Variants in VEZT observed in about 807,000 individuals in gnomAD.
VEZT encodes vezatin.
Under a neutral mutation model 79.9 loss-of-function variants are expected in VEZT, and 39 were observed. The ratio of observed to expected loss-of-function variants is 0.49; its 90% CI spans 0.38 to 0.64. VEZT has a LOEUF of 0.64. Ranked by LOEUF, VEZT falls within the 30% of genes least tolerant of loss-of-function variation. VEZT has a pLI of 0.00. For missense variants in VEZT, 837 were observed against 893.1 expected, an observed-to-expected ratio of 0.94 and a Z score of 0.80; for synonymous variants, 325 against 327.6, an observed-to-expected ratio of 0.99 and a Z score of 0.09.
At chr12:95,281,997 G>GA (rs1189671992) in intron 7 of VEZT, among the ~76,000 whole-genome samples, 2 of 151,746 alleles carry the variant, frequency 1.3e-5, no homozygotes, top group Non-Finnish European at 2.9e-5. Flanking sequence ...TCTCCTATGT[G>GA]AAAATTTTTT....
At chr12:95,276,559 C>T (rs574708104) in intron 7 of VEZT, among the ~76,000 whole-genome samples, 7 of 152,202 alleles carry the variant, frequency 4.6e-5, no homozygotes, top group African/African-American at 1.7e-4. Context: ...CATGAGCCAC[C>T]ATGCCCAGCC....
chr12:95,224,325 T>G (rs1237846397), intron 1 of VEZT: 1 of 453,004 alleles, frequency 2.2e-6, no homozygotes, highest in African/African-American at 2.0e-5. Flanking sequence ...CAACTTTTTT[T>G]TTTTTTTTGA....
intron 1 of VEZT, among the ~76,000 whole-genome samples, chr12:95,250,070 T>A (rs931684176): frequency 3.1e-4 from 46 of 149,774 alleles, no homozygotes; most frequent in Admixed American, 5.3e-4. Flanking sequence ...CTTTTTTTTT[T>A]AATTATTATT....
At chr12:95,300,131 A>AT (rs764758294) in intron 11 of VEZT, 34 bp from the exon 12 acceptor site, 20 of 1,298,178 alleles carry the variant, frequency 1.5e-5, no homozygotes, top group Middle Eastern at 2.2e-4. Context: ...GTCCTTAGTT[A>AT]TTTTTTTTCT....
intron 7 of VEZT, among the ~76,000 whole-genome samples, chr12:95,281,111 C>T (rs540871093): frequency 2.2e-4 from 34 of 152,200 alleles, no homozygotes; most frequent in African/African-American, 6.3e-4. Context: ...TCCCTGCTAC[C>T]TCTTGTTTCA....
chr12:95,268,550 G>A (rs2065988276), intron 5 of VEZT, among the ~76,000 whole-genome samples: 2 of 152,092 alleles, frequency 1.3e-5, no homozygotes, highest in Admixed American at 6.5e-5. Context: ...AGGACTTACT[G>A]GTTGAACAAA....
intron 7 of VEZT, among the ~76,000 whole-genome samples, chr12:95,281,455 G>C (rs746078127): frequency 6.6e-6 from 1 of 151,956 alleles, no homozygotes; most frequent in Non-Finnish European, 1.5e-5. Context: ...TCTAGCCTGG[G>C]CAACAGAGCA....
Position 95,302,196 on chromosome 12 carries a change from A to G in VEZT, c.*1523A>G, listed in dbSNP as rs1485691631. ...ACCGACTTCATTTTTCTTTGGATTT[A>G]GAAGAAGCAATTATGGAAAAACTTG... On this transcript the variant is annotated 3_prime_UTR_variant, in exon 12 of 12. Coordinates refer to ENST00000436874, the MANE Select transcript of VEZT (RefSeq NM_017599.4). 1.3e-5 allele frequency: 2 copies of G among 152,196 alleles called. No homozygotes were observed. Among genetic ancestry groups the G allele is most frequent in the Non-Finnish European group, 2.9e-5 (2 of 68,010 alleles). 9.4% of individuals were successfully genotyped at this position (152,196 alleles called of 1,614,324 possible). A position where few individuals can be genotyped will look rare whatever the true frequency, so the allele number is the denominator to read the frequency against.
intron 7 of VEZT, among the ~76,000 whole-genome samples, chr12:95,279,424 A>G (rs1175992472): frequency 6.6e-6 from 1 of 152,236 alleles, no homozygotes; most frequent in Non-Finnish European, 1.5e-5. Context: ...TGCTCTAGAA[A>G]AAATAAATGC....
chr12:95,258,191 T>C (rs1005207427), intron 3 of VEZT: 1 of 454,360 alleles, frequency 2.2e-6, no homozygotes. Flanking sequence ...GAAGGTGTAT[T>C]GAGAAGGTCA....
chr12:95,222,731 G>C (rs1410611048), intron 1 of VEZT, among the ~76,000 whole-genome samples: 1 of 152,062 alleles, frequency 6.6e-6, no homozygotes, highest in Non-Finnish European at 1.5e-5. Flanking sequence ...GATTGAAATT[G>C]CTTTGAAGCT....
Position 95,256,862 on chromosome 12 carries a change from T to G in VEZT, c.169-288T>G, listed in dbSNP as rs1367910011. Among the ~76,000 whole-genome samples, 6 of 152,196 alleles carry G rather than the reference T, an allele frequency of 3.9e-5. No individual in the cohort carries two copies. In the East Asian group the frequency reaches 5.8e-4, roughly 15 times the overall value. On this transcript the variant is annotated intron_variant, in intron 2 of 11. Coordinates refer to ENST00000436874, the MANE Select transcript of VEZT (RefSeq NM_017599.4). ...CTTCAGAATGACTTCTGCCTGCTCT[T>G]TAAAAATCGGATTTTCAGGCCTCAT...
intron 1 of VEZT, among the ~76,000 whole-genome samples, chr12:95,247,167 G>C (rs1002457324): frequency 1.3e-5 from 2 of 152,182 alleles, no homozygotes; most frequent in African/African-American, 2.4e-5. Context: ...TGTATACAGA[G>C]TACAAAAAGC....
At position 95,256,795 on chromosome 12, in the gene VEZT, C is replaced by G. The variant is rs78637755; in HGVS notation, c.169-355C>G. Among the ~76,000 whole-genome samples the G allele has an allele frequency of 6.9e-4, 105 of 152,328 alleles. 2 individuals carry two copies. The East Asian group carries it at 0.014, about 21-fold the overall frequency. Reference sequence around the variant, plus strand: ...TTCTTTCTGAAATAAATACTATCATCATGTTGACATAGTACATAGTCTCCC... The same window carrying G: ...TTCTTTCTGAAATAAATACTATCATGATGTTGACATAGTACATAGTCTCCC... On this transcript the variant is annotated intron_variant, in intron 2 of 11. Coordinates refer to ENST00000436874, the MANE Select transcript of VEZT (RefSeq NM_017599.4).
intron 4 of VEZT, among the ~76,000 whole-genome samples, chr12:95,264,986 G>A (rs963066384): frequency 6.1e-5 from 9 of 147,874 alleles, no homozygotes; most frequent in African/African-American, 2.0e-4. Flanking sequence ...CTCAGCCTCC[G>A]AATAGCAGGG....
rs1464537740 is a variant in VEZT, at chr12:95,288,435, T to A, written c.1522+578T>A. On this transcript the variant is annotated intron_variant, in intron 9 of 11. Transcript: ENST00000436874. ...CTTTTATGTGACTCCGATTTTATGC[T>A]TGTTTTTACCTCACTGATTTCATTT... is the stretch of plus-strand genomic sequence containing the variant. Among the ~76,000 whole-genome samples, 3 of 152,214 alleles carry A rather than the reference T, an allele frequency of 2.0e-5. No homozygotes were observed. The East Asian group carries it at 5.8e-4, about 29-fold the overall frequency.
chr12:95,233,155 A>T (rs755173035), intron 1 of VEZT, among the ~76,000 whole-genome samples: 6 of 151,670 alleles, frequency 4.0e-5, no homozygotes, highest in Admixed American at 1.3e-4. Flanking sequence ...TTATTCATTT[A>T]CTAAATTCTC....
In VEZT at chr12:95,282,586, A is replaced by G; in HGVS notation, c.1270A>G (p.Asn424Asp). The part of the protein sequence containing the change: ...SKTQQKSREL[N>D]NVHTAVRSLQ... ...AACTCAACAGAAGTCAAGAGAACTG[A>G]ATAATGTTCACACAGCAGTGCGTAG... The change falls in exon 8 of 12, where the codon AAT (asparagine) becomes GAT (aspartate). Residue 424 changes from asparagine to aspartate, a missense_variant. Physicochemically the swap from Asn to Asp is conservative, Grantham distance 23. Transcript: ENST00000436874. 1 of 1,613,978 alleles carries G rather than the reference A, an allele frequency of 6.2e-7. No homozygotes were observed. The highest frequency in any genetic ancestry group is 1.1e-5 in the South Asian group (1 of 91,076).
intron 1 of VEZT, among the ~76,000 whole-genome samples, chr12:95,246,201 C>T (rs147537452): frequency 2.6e-5 from 4 of 151,950 alleles, no homozygotes; most frequent in East Asian, 3.9e-4. Context: ...CAGCTCACTG[C>T]GACCTCCACC....
Sources: gnomAD v4.1 joint callset for allele counts (sites outside exome capture counted in the v4.1 genomes callset) on GRCh38, gnomAD v4.1.1 for gene constraint, MANE v1.5 for transcripts, NCBI Gene and HGNC (gene_info 2026-07-23, HGNC 2026-07-21) for gene names.